Variants in ACYP2 observed in about 807,000 individuals in gnomAD.
ACYP2 encodes acylphosphatase 2, also known as acylphosphatase-2.
A neutral mutation model predicts 11.2 loss-of-function variants in ACYP2; 12 were observed. The observed-to-expected ratio is 1.08, with a 90% CI of 0.69 to 1.74. The LOEUF (loss-of-function observed/expected upper bound fraction) is 1.74, where lower values mean the gene tolerates loss of function less well. Among genes scored for constraint, ACYP2 ranks in the 40% most tolerant of loss-of-function variants. ACYP2 has a pLI of 0.00. For synonymous variants in ACYP2, 43 were observed against 32.2 expected (o/e 1.33, Z -1.13); for missense variants, 134 against 101.9 (o/e 1.31, Z -1.35).
intron 4 of ACYP2, among the ~76,000 whole-genome samples, chr2:54,100,480 ATTT>A (rs765168651): frequency 6.9e-5 from 10 of 145,956 alleles, no homozygotes; most frequent in African/African-American, 2.5e-4. Context: ...TTAAAAAAAG[ATTT>A]TTTTTTTTAG....
intron 2 of ACYP2, among the ~76,000 whole-genome samples, chr2:53,979,732 C>T (rs1558449251): frequency 1.3e-5 from 2 of 151,886 alleles, no homozygotes; most frequent in Admixed American, 1.3e-4. Context: ...GATGGAGTCT[C>T]ACTCTGTGGC....
chr2:54,128,265 A>G (rs568296892), intron 4 of ACYP2, among the ~76,000 whole-genome samples: 1 of 152,356 alleles, frequency 6.6e-6, no homozygotes, highest in Admixed American at 6.5e-5. Context: ...TTTGATGGAC[A>G]GATCCCTGAT....
At chr2:54,301,425 C>A (rs1042246020) in intron 6 of ACYP2, among the ~76,000 whole-genome samples, 5 of 152,126 alleles carry the variant, frequency 3.3e-5, no homozygotes, top group African/African-American at 1.2e-4. Flanking sequence ...CATTGCCTAT[C>A]ATATTCTGCC....
At chr2:54,023,701 T>TA (rs1674121564) in intron 2 of ACYP2, among the ~76,000 whole-genome samples, 2 of 152,098 alleles carry the variant, frequency 1.3e-5, no homozygotes, top group Non-Finnish European at 1.5e-5. Flanking sequence ...AAAATAAACT[T>TA]AAAGTTTTTT....
chr2:54,246,203 T>G (rs1344959014), intron 6 of ACYP2, among the ~76,000 whole-genome samples: 3 of 152,188 alleles, frequency 2.0e-5, no homozygotes, highest in Admixed American at 6.5e-5. Context: ...TCTATTCTGT[T>G]CTACTGATCT....
chr2:54,039,383 C>G (rs1225216655), intron 2 of ACYP2, among the ~76,000 whole-genome samples: 1 of 151,722 alleles, frequency 6.6e-6, no homozygotes, highest in Non-Finnish European at 1.5e-5. Flanking sequence ...CCTCTGCCTC[C>G]CAGGCTCAAG....
At chr2:54,144,665 C>A (rs1434933212) in intron 6 of ACYP2, among the ~76,000 whole-genome samples, 5 of 143,826 alleles carry the variant, frequency 3.5e-5, no homozygotes, top group Non-Finnish European at 7.6e-5. Flanking sequence ...CAGAGCAAGA[C>A]TCTGTCTCAA....
At chr2:53,992,353 G>A (rs1313070600) in intron 2 of ACYP2, among the ~76,000 whole-genome samples, 1 of 152,078 alleles carries the variant, frequency 6.6e-6, no homozygotes, top group Non-Finnish European at 1.5e-5. Flanking sequence ...TCAGGAAAAT[G>A]ATATAAATTG....
At chr2:54,295,061 A>G (rs917996595) in intron 6 of ACYP2, among the ~76,000 whole-genome samples, 1 of 152,222 alleles carries the variant, frequency 6.6e-6, no homozygotes, top group Non-Finnish European at 1.5e-5. Flanking sequence ...ACTTGACAGA[A>G]GCTGATGGCA....
chr2:54,252,177 ACT>A (rs2104011607), intron 6 of ACYP2, among the ~76,000 whole-genome samples: 1 of 152,286 alleles, frequency 6.6e-6, no homozygotes, highest in South Asian at 2.1e-4. Context: ...TATAGCATGT[ACT>A]CTGTCTGGCT....
chr2:53,994,733 C>A (rs1358404718), intron 2 of ACYP2, among the ~76,000 whole-genome samples: 1 of 152,136 alleles, frequency 6.6e-6, no homozygotes, highest in Admixed American at 6.6e-5. Flanking sequence ...TATAGGATAG[C>A]AATTTTATTC....
intron 6 of ACYP2, among the ~76,000 whole-genome samples, chr2:54,274,404 GC>G (rs1316070442): frequency 6.6e-6 from 1 of 152,066 alleles, no homozygotes; most frequent in Non-Finnish European, 1.5e-5. Context: ...ACTTTGGGAG[GC>G]TGAGGTGGGA....
At chr2:54,120,499 A>AT (rs1406267097) in intron 4 of ACYP2, among the ~76,000 whole-genome samples, 1 of 152,216 alleles carries the variant, frequency 6.6e-6, no homozygotes, top group Non-Finnish European at 1.5e-5. Flanking sequence ...ATCTGTTGGT[A>AT]TACATGTGCT....
chr2:54,257,319 T>C lies in ACYP2; in HGVS notation c.405-47369T>C, dbSNP rs536369155. ...TATGAGTGGGGTCACAATTTCTTTT[T>C]TTCCATATGAATATCTAATTGACCC... On this transcript the variant is annotated intron_variant, in intron 6 of 6. Transcript: ENST00000607452. Among the ~76,000 whole-genome samples the C allele has an allele frequency of 9.8e-5, 15 of 152,374 alleles. No individual in the cohort carries two copies. The East Asian group carries it at 2.9e-3, about 29-fold the overall frequency.
intron 6 of ACYP2, among the ~76,000 whole-genome samples, chr2:54,235,562 G>A (rs1312588188): frequency 2.0e-5 from 3 of 152,158 alleles, no homozygotes; most frequent in South Asian, 2.1e-4. Context: ...ATGTTAGCCA[G>A]GATGGTCTCG....
intron 4 of ACYP2, among the ~76,000 whole-genome samples, chr2:54,066,632 C>T (rs1160176492): frequency 6.6e-6 from 1 of 152,096 alleles, no homozygotes; most frequent in African/African-American, 2.4e-5. Context: ...TGTGTTCCCT[C>T]GACTGGTATC....
intron 6 of ACYP2, among the ~76,000 whole-genome samples, chr2:54,240,304 C>G (rs1170963932): frequency 6.6e-6 from 1 of 152,158 alleles, no homozygotes; most frequent in African/African-American, 2.4e-5. Context: ...CTAGTTATAT[C>G]AGCTTATTAC....
chr2:54,098,707 C>G (rs925892509), intron 4 of ACYP2, among the ~76,000 whole-genome samples: 1 of 149,064 alleles, frequency 6.7e-6, no homozygotes, highest in Non-Finnish European at 1.5e-5. Flanking sequence ...CTGGTCCTCT[C>G]TGATTTCAGA....
chr2:54,279,490 A>G lies in ACYP2; in HGVS notation c.405-25198A>G, dbSNP rs187209981. ...AACTTTTCATTTTAGAATTATGGAA[A>G]TTAGAAATCACAGAGGTTGTGTAAC... is the stretch of plus-strand genomic sequence containing the variant. On this transcript the variant is annotated intron_variant, in intron 6 of 6. Transcript: ENST00000607452. Among the ~76,000 whole-genome samples the G allele has an allele frequency of 2.1e-3, 324 of 152,330 alleles. 2 individuals carry two copies. Among genetic ancestry groups the G allele is most frequent in the African/African-American group, 6.1e-3 (254 of 41,576 alleles).
Sources: allele counts gnomAD v4.1 joint callset (sites outside exome capture counted in the v4.1 genomes callset), GRCh38; gene constraint gnomAD v4.1.1; transcripts MANE v1.5; gene names NCBI Gene and HGNC (gene_info 2026-07-23, HGNC 2026-07-21).